AGBL1: variants seen among roughly 807,000 people sequenced by gnomAD.
AGBL1 encodes the protein AGBL carboxypeptidase 1.
AGBL1 carries 130 observed loss-of-function variants against 118.9 expected under a neutral mutation model. That is an observed-to-expected ratio of 1.09 (90% confidence interval 0.95 to 1.26). The LOEUF is 1.26. Among genes scored for constraint, AGBL1 ranks in the 50% most tolerant of loss-of-function variants. The probability of loss-of-function intolerance (pLI) is 0.00; values close to 1 mark genes in which losing one functional copy is unlikely to be tolerated. For synonymous variants in AGBL1, 555 were observed against 478.9 expected (o/e 1.16, Z -2.08); for missense variants, 1,584 against 1,298.1 (o/e 1.22, Z -3.38).
chr15:86,191,472 G>A (rs1425897195), intron 5 of AGBL1, among the ~76,000 whole-genome samples: 1 of 151,884 alleles, frequency 6.6e-6, no homozygotes, highest in Admixed American at 6.6e-5. Context: ...GACAGAGAGA[G>A]CAAAGGCTTG....
intron 1 of AGBL1, among the ~76,000 whole-genome samples, chr15:86,119,219 G>A (rs1897942647): frequency 6.6e-6 from 1 of 152,204 alleles, no homozygotes; most frequent in Non-Finnish European, 1.5e-5. Context: ...ACATATAAAA[G>A]AGAATTTATC....
At chr15:86,224,814 G>T (rs1342882031) in intron 5 of AGBL1, 100 bp from the exon 6 acceptor site, 1 of 1,091,114 alleles carries the variant, frequency 9.2e-7, no homozygotes, top group Admixed American at 1.9e-5. Context: ...TTAATCATGG[G>T]TCTGTTATGG....
At chr15:86,236,775 G>C (rs1354815669) in intron 6 of AGBL1, among the ~76,000 whole-genome samples, 1 of 151,992 alleles carries the variant, frequency 6.6e-6, no homozygotes, top group Non-Finnish European at 1.5e-5. Context: ...GCTGGAGGCT[G>C]GAGGAGGGGG....
intron 22 of AGBL1, among the ~76,000 whole-genome samples, chr15:86,802,336 G>A (rs1042590356): frequency 6.6e-6 from 1 of 151,556 alleles, no homozygotes; most frequent in African/African-American, 2.4e-5. Context: ...CAGGGAATAT[G>A]TCTACCTGAT....
chr15:86,782,196 C>T, intron 22 of AGBL1, among the ~76,000 whole-genome samples: 2 of 152,192 alleles, frequency 1.3e-5, no homozygotes, highest in Middle Eastern at 3.4e-3. Context: ...CCTTAACTCT[C>T]AAAGGGCCTT....
At chr15:86,586,912 A>T (rs1039621738) in intron 21 of AGBL1, among the ~76,000 whole-genome samples, 1 of 152,140 alleles carries the variant, frequency 6.6e-6, no homozygotes, top group Non-Finnish European at 1.5e-5. Context: ...GTTGAAAAGT[A>T]GGCCACAATA....
chr15:86,953,154 T>A (rs568065549), intron 23 of AGBL1, among the ~76,000 whole-genome samples: 1 of 152,314 alleles, frequency 6.6e-6, no homozygotes, highest in Admixed American at 6.5e-5. Flanking sequence ...ATTTTGGCTC[T>A]TTTTTGGTTG....
chr15:86,341,870 A>G (rs2080466991), intron 17 of AGBL1, among the ~76,000 whole-genome samples: 1 of 152,000 alleles, frequency 6.6e-6, no homozygotes. Context: ...ACTTTTTTTT[A>G]AGACCACCTT....
At chr15:86,565,640 C>T (rs140750784) in intron 21 of AGBL1, among the ~76,000 whole-genome samples, 1 of 152,220 alleles carries the variant, frequency 6.6e-6, no homozygotes, top group South Asian at 2.1e-4. Context: ...CTAGGAGAAC[C>T]ACTACTGTCT....
At chr15:86,120,672 T>G (rs889050533) in intron 1 of AGBL1, among the ~76,000 whole-genome samples, 6 of 152,166 alleles carry the variant, frequency 3.9e-5, no homozygotes, top group Admixed American at 2.0e-4. Context: ...CCCTAGTGAC[T>G]AGCAGAACTC....
chr15:86,919,064 C>T (rs544953776), downstream of AGBL1, among the ~76,000 whole-genome samples: 8 of 152,146 alleles, frequency 5.3e-5, no homozygotes, highest in South Asian at 4.1e-4. Context: ...TGCAGACTTA[C>T]GCTCAGAGAT....
intron 21 of AGBL1, among the ~76,000 whole-genome samples, chr15:86,656,840 C>T (rs1404490474): frequency 1.3e-5 from 2 of 152,048 alleles, no homozygotes; most frequent in African/African-American, 2.4e-5. Flanking sequence ...TGTTCTTTTA[C>T]CTGAACTCCA....
chr15:86,135,069 CTA>C (rs1287226694), intron 1 of AGBL1, among the ~76,000 whole-genome samples: 9 of 152,156 alleles, frequency 5.9e-5, no homozygotes, highest in African/African-American at 2.2e-4. Flanking sequence ...ATTCAGGAAA[CTA>C]TGGAATGAGA....
intron 22 of AGBL1, among the ~76,000 whole-genome samples, chr15:86,721,266 C>G (rs955992523): frequency 6.6e-6 from 1 of 152,164 alleles, no homozygotes; most frequent in Non-Finnish European, 1.5e-5. Flanking sequence ...TACTGGCAAA[C>G]CGAATCCAGC....
intron 17 of AGBL1, among the ~76,000 whole-genome samples, chr15:86,360,413 A>G (rs1414902951): frequency 1.3e-5 from 2 of 150,036 alleles, no homozygotes; most frequent in Admixed American, 1.3e-4. Context: ...CCACTTGGTC[A>G]TGGTGCATGA....
At chr15:86,451,882 T>G (rs1294329652) in intron 18 of AGBL1, among the ~76,000 whole-genome samples, 1 of 152,164 alleles carries the variant, frequency 6.6e-6, no homozygotes, top group Non-Finnish European at 1.5e-5. Flanking sequence ...TTCCATCATT[T>G]CTAATCCTCA....
At position 86,753,415 on chromosome 15, in the gene AGBL1, T is replaced by TTC. The variant is rs35941815; in HGVS notation, c.3158+78979_3158+78980insTC. Among the ~76,000 whole-genome samples the TTC allele has an allele frequency of 1.2e-3, 165 of 139,774 alleles. 1 individual carries two copies. Among genetic ancestry groups the TTC allele is most frequent in the South Asian group, 2.3e-3 (10 of 4,292 alleles). The allele number at this position is 139,774 out of a possible 152,430, so 91.7% of individuals were successfully genotyped here. On this transcript the variant is annotated intron_variant, in intron 22 of 22. Transcript: ENST00000614907. ...TCTTTTTCTTTTTTTTTTTTTTTTTTGAGACAGAGTCTTACTCTGTCGCCC... is the reference window on the plus strand; with the variant it reads ...TCTTTTTCTTTTTTTTTTTTTTTTTTTCGAGACAGAGTCTTACTCTGTCGCCC...
chr15:86,698,793 A>G lies in AGBL1; in HGVS notation c.3158+24357A>G, dbSNP rs190062374. Among the ~76,000 whole-genome samples the G allele has an allele frequency of 1.7e-3, 264 of 152,046 alleles. 4 individuals carry two copies. In the East Asian group the frequency reaches 0.022, roughly 12 times the overall value. ...GTTCTGGAACAAGACGTGAAATGCC[A>G]TTCTGAGATCCTGCTGCCATTAATG... On this transcript the variant is annotated intron_variant, in intron 22 of 22. Transcript: ENST00000614907.
intron 24 of AGBL1, among the ~76,000 whole-genome samples, chr15:87,008,185 C>G (rs987083404): frequency 6.6e-6 from 1 of 152,168 alleles, no homozygotes; most frequent in Admixed American, 6.5e-5. Flanking sequence ...CTGCTTCCAC[C>G]TGATATTGAT....
Sources: gnomAD v4.1 joint callset for allele counts (sites outside exome capture counted in the v4.1 genomes callset) on GRCh38, gnomAD v4.1.1 for gene constraint, MANE v1.5 for transcripts, NCBI Gene and HGNC (gene_info 2026-07-23, HGNC 2026-07-21) for gene names.